Variants in PDE11A observed in about 807,000 individuals in gnomAD.
The protein encoded by PDE11A is dual 3',5'-cyclic-AMP and -GMP phosphodiesterase 11A.
In PDE11A, 100 loss-of-function variants were observed where a neutral mutation model predicts 100.5. The observed-to-expected ratio is 1.00, with a 90% confidence interval of 0.85 to 1.18. PDE11A has a LOEUF of 1.18. Among genes scored for constraint, PDE11A ranks in the 50% most tolerant of loss-of-function variants. The pLI, the probability that PDE11A is intolerant of heterozygous loss-of-function variation, is 0.00. For synonymous variants in PDE11A, 381 were observed against 420.8 expected (o/e 0.91, Z 1.16); for missense variants, 1,141 against 1,152.6 (o/e 0.99, Z 0.15).
At chr2:177,767,609 T>C (rs2082257427) in intron 10 of PDE11A, among the ~76,000 whole-genome samples, 1 of 152,124 alleles carries the variant, frequency 6.6e-6, no homozygotes, top group Non-Finnish European at 1.5e-5. Context: ...TTAAATATTT[T>C]TGATGGAAAA....
chr2:177,928,322 C>A (rs1011894574), intron 2 of PDE11A, among the ~76,000 whole-genome samples: 1 of 151,884 alleles, frequency 6.6e-6, no homozygotes, highest in Non-Finnish European at 1.5e-5. Flanking sequence ...AAAGTGAGAC[C>A]CCATCTCTAT....
intron 2 of PDE11A, chr2:178,104,189 A>G (rs2087591634): frequency 2.1e-6 from 2 of 935,580 alleles, no homozygotes; most frequent in South Asian, 2.6e-5. Context: ...GTAATATGTA[A>G]AGAGTGGTCC....
chr2:177,941,421 A>G (rs2085344398), intron 2 of PDE11A, among the ~76,000 whole-genome samples: 1 of 152,152 alleles, frequency 6.6e-6, no homozygotes, highest in South Asian at 2.1e-4. Flanking sequence ...AAGTGTTTGT[A>G]TAGCAGCATG....
chr2:177,727,806 G>A, intron 11 of PDE11A, 41 bp from the exon 12 acceptor site: 1 of 1,193,490 alleles, frequency 8.4e-7, no homozygotes, highest in Non-Finnish European at 1.3e-6. Context: ...AGTTGTAAGT[G>A]ATTCTAGTGG....
intron 6 of PDE11A, among the ~76,000 whole-genome samples, chr2:177,827,636 T>C (rs1206106388): frequency 6.6e-6 from 1 of 152,200 alleles, no homozygotes; most frequent in Non-Finnish European, 1.5e-5. Context: ...TTTGCATTAG[T>C]GTATTTATTT....
At chr2:177,796,295 G>A (rs752797616) in intron 9 of PDE11A, among the ~76,000 whole-genome samples, 1 of 151,980 alleles carries the variant, frequency 6.6e-6, no homozygotes, top group African/African-American at 2.4e-5. Flanking sequence ...TTTCCGGGAC[G>A]ATGTCATTCA....
At chr2:177,807,110 T>C (rs1201362077) in intron 9 of PDE11A, among the ~76,000 whole-genome samples, 1 of 152,144 alleles carries the variant, frequency 6.6e-6, no homozygotes, top group Non-Finnish European at 1.5e-5. Flanking sequence ...AACACATTTA[T>C]GTACATCATA....
chr2:177,875,825 A>C, intron 5 of PDE11A, 34 bp downstream of exon 5: 1 of 1,409,242 alleles, frequency 7.1e-7, no homozygotes, highest in South Asian at 1.1e-5. Context: ...GGACAAAAGA[A>C]CATCAAAAGA....
chr2:177,746,184 A>T (rs1048005873), intron 10 of PDE11A, among the ~76,000 whole-genome samples: 63 of 152,222 alleles, frequency 4.1e-4, no homozygotes, highest in Non-Finnish European at 8.7e-4. Context: ...ATGGGTCTAA[A>T]AATGAGACTT....
At chr2:177,731,420 C>T (rs561170413) in intron 10 of PDE11A, among the ~76,000 whole-genome samples, 1 of 152,302 alleles carries the variant, frequency 6.6e-6, no homozygotes, top group Admixed American at 6.5e-5. Context: ...TGTCTTTACT[C>T]TTTAGCTACT....
chr2:177,636,762 G>A (rs566352249), intron 19 of PDE11A, among the ~76,000 whole-genome samples: 34 of 152,232 alleles, frequency 2.2e-4, no homozygotes, highest in Admixed American at 1.1e-3. Context: ...TGCTCTAGAA[G>A]CCAGTAGCAT....
At chr2:178,018,814 C>T (rs1019150766) in intron 1 of PDE11A, among the ~76,000 whole-genome samples, 1 of 152,200 alleles carries the variant, frequency 6.6e-6, no homozygotes, top group African/African-American at 2.4e-5. Context: ...TCTTTAAACG[C>T]TGGGATCACA....
At chr2:177,759,971 T>C (rs16865767) in intron 10 of PDE11A, among the ~76,000 whole-genome samples, 2,458 of 152,254 alleles carry the variant, frequency 0.016, 51 homozygotes, top group East Asian at 0.046. Context: ...CACCAAGATT[T>C]CAAGAATAAT....
At chr2:178,100,721 A>C (rs972283277) in intron 2 of PDE11A, among the ~76,000 whole-genome samples, 2 of 152,212 alleles carry the variant, frequency 1.3e-5, no homozygotes, top group African/African-American at 4.8e-5. Context: ...AAATAATATT[A>C]AACCCAAGCC....
rs148618137 is a variant in PDE11A, at chr2:177,953,978, T to G, written c.1072-48791A>C. On this transcript the variant is annotated intron_variant, in intron 2 of 19. Coordinates refer to ENST00000286063, the MANE Select transcript of PDE11A (RefSeq NM_016953.4). ...GTAATTGGGCATCAATTTGCAAATA[T>G]GCCTTAGTGGAAAGCTTTACAAATG... 1.5e-3 allele frequency among the ~76,000 whole-genome samples: 233 copies of G among 152,172 alleles called. 4 individuals carry two copies. In the East Asian group the frequency reaches 0.025, roughly 16 times the overall value.
intron 10 of PDE11A, among the ~76,000 whole-genome samples, chr2:177,729,040 T>C (rs557673757): frequency 2.0e-5 from 3 of 152,294 alleles, no homozygotes; most frequent in South Asian, 2.1e-4. Context: ...TCTGTATTCA[T>C]ATTCCTATCT....
chr2:177,876,583 T>C (rs922253831), intron 4 of PDE11A, among the ~76,000 whole-genome samples: 5 of 148,576 alleles, frequency 3.4e-5, no homozygotes, highest in African/African-American at 1.3e-4. Flanking sequence ...GAGTTTACAC[T>C]GTAAACCAGG....
chr2:177,775,286 A>C (rs928008739), intron 9 of PDE11A, among the ~76,000 whole-genome samples: 1 of 152,210 alleles, frequency 6.6e-6, no homozygotes, highest in African/African-American at 2.4e-5. Context: ...AATATACCAC[A>C]CAAACCCATT....
chr2:177,815,971 G>A (rs1489672246), intron 9 of PDE11A, among the ~76,000 whole-genome samples: 2 of 152,210 alleles, frequency 1.3e-5, no homozygotes, highest in Non-Finnish European at 2.9e-5. Flanking sequence ...AGCACTTTGG[G>A]AGGCCAAGGC....
Sources: gnomAD v4.1 joint callset for allele counts (sites outside exome capture counted in the v4.1 genomes callset) on GRCh38, gnomAD v4.1.1 for gene constraint, MANE v1.5 for transcripts, NCBI Gene and HGNC (gene_info 2026-07-23, HGNC 2026-07-21) for gene names.